ZBTB38: variants seen among roughly 807,000 people sequenced by gnomAD.
The protein encoded by ZBTB38 is zinc finger and BTB domain containing 38, also known as zinc finger and BTB domain-containing protein 38.
In ZBTB38, 20 loss-of-function variants were observed where a neutral mutation model predicts 76.8. The observed-to-expected ratio is 0.26, with a 90% CI of 0.18 to 0.38. The LOEUF (loss-of-function observed/expected upper bound fraction) is 0.38, where lower values mean the gene tolerates loss of function less well. ZBTB38 is among the 10% of genes least tolerant of loss of function. The probability of loss-of-function intolerance (pLI) is 1.00; values close to 1 mark genes in which losing one functional copy is unlikely to be tolerated. For synonymous variants in ZBTB38, 504 were observed against 544.2 expected (o/e 0.93, Z 1.03); for missense variants, 1,082 against 1,482.3 (o/e 0.73, Z 4.43).
At chr3:141,333,531 G>GC (rs1416661702) in intron 1 of ZBTB38, among the ~76,000 whole-genome samples, 2 of 152,114 alleles carry the variant, frequency 1.3e-5, no homozygotes, top group Non-Finnish European at 2.9e-5. Context: ...ACCAGGCACA[G>GC]CCCCTGCTGG....
chr3:141,326,951 G>A (rs550749047), intron 1 of ZBTB38, among the ~76,000 whole-genome samples: 52 of 152,180 alleles, frequency 3.4e-4, no homozygotes, highest in Non-Finnish European at 4.1e-4. Context: ...GGCCTGCTTC[G>A]AAGGGGACCT....
Position 141,442,119 on chromosome 3 carries a change from A to G in ZBTB38, c.1-270A>G, listed in dbSNP as rs997222433. 4.0e-5 allele frequency among the ~76,000 whole-genome samples: 6 copies of G among 151,876 alleles called. No homozygotes were observed. The highest frequency in any genetic ancestry group is 1.5e-4 in the African/African-American group (6 of 41,366). Reference sequence around the variant, plus strand: ...TCCCCTCCCAAATTTGGACATGTATATATAGCTCCAACTTTGGAGAAAAGG... The same window carrying G: ...TCCCCTCCCAAATTTGGACATGTATGTATAGCTCCAACTTTGGAGAAAAGG... On this transcript the variant is annotated intron_variant, in intron 5 of 5. Transcript: ENST00000321464. This position sits in a 1 kb window ranked among gnomAD's most constrained non-coding sequence, Gnocchi z 6.4.
At chr3:141,346,728 A>G (rs1943365137) in intron 1 of ZBTB38, among the ~76,000 whole-genome samples, 1 of 151,610 alleles carries the variant, frequency 6.6e-6, no homozygotes, top group Non-Finnish European at 1.5e-5. Flanking sequence ...TAGAAAACAC[A>G]GGCTGAAGGC....
intron 4 of ZBTB38, among the ~76,000 whole-genome samples, chr3:141,391,752 TC>T (rs992699538): frequency 7.2e-5 from 11 of 152,356 alleles, no homozygotes; most frequent in Admixed American, 3.9e-4. Flanking sequence ...TGAATTTTTT[TC>T]AAAGGCAAAA....
At chr3:141,428,166 C>A (rs2076754857) in intron 5 of ZBTB38, among the ~76,000 whole-genome samples, 1 of 152,246 alleles carries the variant, frequency 6.6e-6, no homozygotes, top group Admixed American at 6.5e-5. Context: ...TCTGTGATTT[C>A]TTGGCATATG....
chr3:141,397,398 C>A (rs1280444446), intron 4 of ZBTB38, among the ~76,000 whole-genome samples: 1 of 152,196 alleles, frequency 6.6e-6, no homozygotes, highest in African/African-American at 2.4e-5. Context: ...GTATCCTGAC[C>A]ACTCATTCTT....
chr3:141,347,620 G>A (rs1022929397), intron 1 of ZBTB38, among the ~76,000 whole-genome samples: 3 of 152,164 alleles, frequency 2.0e-5, no homozygotes, highest in Non-Finnish European at 2.9e-5. Flanking sequence ...CCTAGGCTCC[G>A]GCTGGGCTCA....
intron 1 of ZBTB38, among the ~76,000 whole-genome samples, chr3:141,343,637 C>G (rs964965703): frequency 6.6e-6 from 1 of 152,182 alleles, no homozygotes; most frequent in Non-Finnish European, 1.5e-5. Flanking sequence ...TCCTCAGCCC[C>G]TGTTGGTTGA....
Position 141,442,580 on chromosome 3 carries a change from C to A in ZBTB38, c.192C>A (p.Ser64Arg). The part of the protein sequence containing the change: ...SSLYFKNIFW[S>R]HTICISSHVL... ...TGTATTTTAAAAATATCTTTTGGAG[C>A]CATACAATCTGTATTTCCAGCCACG... The change falls in exon 6 of 6, where the codon AGC becomes AGA. Residue 64 changes from serine (S) to arginine (R), a missense_variant. Ser to Arg is a moderately radical substitution (Grantham distance 110, BLOSUM62 -1). Transcript: ENST00000321464. The surrounding 1 kb of genome is among the most constrained non-coding windows in gnomAD (Gnocchi z 6.4). The A allele has an allele frequency of 6.2e-7, 1 of 1,614,182 alleles. No individual in the cohort carries two copies. The highest frequency in any genetic ancestry group is 8.5e-7 in the Non-Finnish European group (1 of 1,180,046).
intron 2 of ZBTB38, among the ~76,000 whole-genome samples, chr3:141,379,852 T>C (rs1451472877): frequency 3.3e-5 from 5 of 152,280 alleles, no homozygotes; most frequent in Admixed American, 1.3e-4. Context: ...TTTCAGGTGA[T>C]ATTTTGGCCA....
At chr3:141,363,659 C>A (rs1943878887), upstream of ZBTB38, among the ~76,000 whole-genome samples, 1 of 152,046 alleles carries the variant, frequency 6.6e-6, no homozygotes, top group Non-Finnish European at 1.5e-5. Context: ...TAAATAAACT[C>A]TTTATTTTAG....
intron 1 of ZBTB38, among the ~76,000 whole-genome samples, chr3:141,341,701 G>A (rs969989382): frequency 2.6e-5 from 4 of 152,202 alleles, no homozygotes; most frequent in African/African-American, 9.7e-5. Flanking sequence ...TTCCAAGAAG[G>A]AACTGCATAG....
intron 2 of ZBTB38, among the ~76,000 whole-genome samples, chr3:141,372,318 CGGGGAGCT>C (rs1944736761): frequency 6.6e-6 from 1 of 152,050 alleles, no homozygotes; most frequent in Admixed American, 6.6e-5. Context: ...GTCTATTGAT[CGGGGAGCT>C]GGCTGGGCTA....
At chr3:141,391,340 T>C (rs1415927463) in intron 4 of ZBTB38, among the ~76,000 whole-genome samples, 1 of 151,782 alleles carries the variant, frequency 6.6e-6, no homozygotes, top group Non-Finnish European at 1.5e-5. Flanking sequence ...AGGAGAGGAG[T>C]GCTCATGCTC....
intron 1 of ZBTB38, among the ~76,000 whole-genome samples, chr3:141,327,126 T>C (rs1458021125): frequency 1.3e-5 from 2 of 152,134 alleles, no homozygotes; most frequent in Non-Finnish European, 2.9e-5. Flanking sequence ...AAAGGGTGTC[T>C]GAAAGAAAGG....
chr3:141,370,415 C>G (rs1559923850), intron 2 of ZBTB38, among the ~76,000 whole-genome samples: 1 of 152,230 alleles, frequency 6.6e-6, no homozygotes, highest in Non-Finnish European at 1.5e-5. Flanking sequence ...CAGCTAACCA[C>G]AGAGGAGTCT....
chr3:141,376,752 G>A (rs760822068), intron 2 of ZBTB38, among the ~76,000 whole-genome samples: 1 of 152,186 alleles, frequency 6.6e-6, no homozygotes, highest in Non-Finnish European at 1.5e-5. Context: ...GGTGGTGACA[G>A]CAGTGCTTCC....
chr3:141,403,785 C>T (rs1953247936), intron 4 of ZBTB38, 142 bp from the exon 5 acceptor site: 1 of 152,232 alleles, frequency 6.6e-6, no homozygotes, highest in South Asian at 2.1e-4. Context: ...GTTATGAAGA[C>T]AACACGAAAC....
At chr3:141,433,322 TTTTG>T (rs886990252) in intron 5 of ZBTB38, among the ~76,000 whole-genome samples, 6 of 143,650 alleles carry the variant, frequency 4.2e-5, no homozygotes, top group African/African-American at 1.7e-4. Flanking sequence ...TTGACTTTTG[TTTTG>T]TTTTTTTTTG....
Sources: gnomAD v4.1 joint callset for allele counts (sites outside exome capture counted in the v4.1 genomes callset) on GRCh38, gnomAD v4.1.1 for gene constraint, Gnocchi (gnomAD v3.1) non-coding constraint, MANE v1.5 for transcripts, NCBI Gene and HGNC (gene_info 2026-07-23, HGNC 2026-07-21) for gene names.